Variants in C6orf62 observed in about 807,000 individuals in gnomAD.
The protein encoded by C6orf62 is chromosome 6 open reading frame 62.
Under a neutral mutation model 26.8 loss-of-function variants are expected in C6orf62, and 16 were observed. The observed-to-expected ratio is 0.60, with a 90% confidence interval of 0.40 to 0.91. The LOEUF (loss-of-function observed/expected upper bound fraction) is 0.91. C6orf62 is among the 40% of genes least tolerant of loss of function. The pLI is 0.00. For synonymous variants in C6orf62, 112 were observed against 91.5 expected (o/e 1.22, Z -1.28); for missense variants, 192 against 271.4 (o/e 0.71, Z 2.06).
In C6orf62 at chr6:24,716,212, G is replaced by A; in HGVS notation, c.242C>T (p.Ser81Phe). 6.2e-7 allele frequency: 1 copy of A among 1,613,888 alleles called. No individual in the cohort carries two copies. The highest frequency in any genetic ancestry group is 8.5e-7 in the Non-Finnish European group (1 of 1,179,840). Reference sequence around the variant, plus strand: ...CACATCCTTCTGTAAAAGCTCTAGGGAACTTTCCAAGGAATAGCTGGAATC... The same window carrying A: ...CACATCCTTCTGTAAAAGCTCTAGGAAACTTTCCAAGGAATAGCTGGAATC... ...VRDSSYSLES[S>F]LELLQKDVVQ... Residue 81 changes from serine to phenylalanine, a missense_variant, in exon 2 of 5, where the codon TCC (serine) becomes TTC (phenylalanine). Transcript: ENST00000378119.
In C6orf62 at chr6:24,714,442, T is replaced by C; in HGVS notation, c.307-2A>G. 6.5e-7 allele frequency: 1 copy of C among 1,545,258 alleles called. No individual in the cohort carries two copies. Among genetic ancestry groups the C allele is most frequent in the Non-Finnish European group, 8.7e-7 (1 of 1,150,474 alleles). Reference sequence around the variant, plus strand: ...CTCCTGAGTACAGCCAATTACATCCTATAAAATGATTAAAAAAAAAAAAGT... The same window carrying C: ...CTCCTGAGTACAGCCAATTACATCCCATAAAATGATTAAAAAAAAAAAAGT... On this transcript the variant is annotated splice_acceptor_variant, in intron 2 of 4. Transcript: ENST00000378119. LOFTEE classifies it high-confidence loss of function.
chr6:24,718,702 AT>A lies in C6orf62; in HGVS notation c.-35del. On this transcript the variant is annotated 5_prime_UTR_variant, in exon 1 of 5. Coordinates refer to ENST00000378119, the MANE Select transcript of C6orf62 (RefSeq NM_030939.5). ...ACAGGTGGTACTAAAGCCTTTGGAA[AT>A]TGTCACTAAACTATGGGCACTTTTT... 1.2e-6 allele frequency: 2 copies of A among 1,608,766 alleles called. No individual in the cohort carries two copies. Among genetic ancestry groups the A allele is most frequent in the South Asian group, 2.2e-5 (2 of 89,428 alleles).
upstream of C6orf62, chr6:24,719,615 C>T: frequency 7.0e-7 from 1 of 1,428,758 alleles, no homozygotes; most frequent in Non-Finnish European, 9.1e-7. Flanking sequence ...TGTGGTTAGA[C>T]CTGATTAATG....
Position 24,716,240 on chromosome 6 carries a change from G to T in C6orf62, c.214C>A (p.Arg72=), listed in dbSNP as rs1447021856. ...NYEENILKGV[R]DSSYSLESSL... ...CTTTCCAAGGAATAGCTGGAATCTC[G>T]CACACCTTTCAGGATATTTTCTTCA... Residue 72 remains arginine (R), a synonymous_variant, in exon 2 of 5, where the codon CGA becomes AGA. Transcript: ENST00000378119. 1 of 1,613,062 alleles carries T rather than the reference G, an allele frequency of 6.2e-7. No homozygotes were observed. Among genetic ancestry groups the T allele is most frequent in the Non-Finnish European group, 8.5e-7 (1 of 1,179,150 alleles).
At chr6:24,717,083 C>G (rs1281996733) in intron 1 of C6orf62, among the ~76,000 whole-genome samples, 2 of 152,278 alleles carry the variant, frequency 1.3e-5, no homozygotes, top group East Asian at 3.9e-4. Flanking sequence ...TAATACTACT[C>G]AAGACCAAGT....
chr6:24,708,924 T>C lies in C6orf62; in HGVS notation c.430-13A>G. Reference sequence around the variant, plus strand: ...ACTCAAATTTGGCCTAATTACAAAATACAACATTTATATTAAACTACAAAC... The same window carrying C: ...ACTCAAATTTGGCCTAATTACAAAACACAACATTTATATTAAACTACAAAC... On this transcript the variant is annotated splice_polypyrimidine_tract_variant and intron_variant, in intron 3 of 4. Coordinates refer to ENST00000378119, the MANE Select transcript of C6orf62 (RefSeq NM_030939.5). 2 of 1,613,948 alleles carry C rather than the reference T, an allele frequency of 1.2e-6. No individual in the cohort carries two copies. The highest frequency in any genetic ancestry group is 1.7e-6 in the Non-Finnish European group (2 of 1,179,944).
intron 3 of C6orf62, among the ~76,000 whole-genome samples, chr6:24,712,049 C>T (rs1779129440): frequency 6.6e-6 from 1 of 152,102 alleles, no homozygotes; most frequent in African/African-American, 2.4e-5. Context: ...TTCCTATCTA[C>T]CCAGTTATTT....
chr6:24,708,809 C>T lies in C6orf62; in HGVS notation c.532G>A (p.Val178Met), dbSNP rs1779064823. 2 of 1,614,202 alleles carry T rather than the reference C, an allele frequency of 1.2e-6. No individual in the cohort carries two copies. Among genetic ancestry groups the T allele is most frequent in the Non-Finnish European group, 1.7e-6 (2 of 1,180,036 alleles). The change falls in exon 4 of 5, where the codon GTG becomes ATG. Residue 178 changes from valine (V) to methionine (M), a missense_variant. Transcript: ENST00000378119. Reference protein sequence around the residue: ...GIVVNNPNQSVFLFIDRQHLQ... With the variant: ...GIVVNNPNQSMFLFIDRQHLQ... ...TGCTGTCTGTCAATGAAGAGAAACA[C>T]TGACTGGTTAGGATTGTTGACAACG... is the stretch of plus-strand genomic sequence containing the variant.
At position 24,706,021 on chromosome 6, in the gene C6orf62, A is replaced by G. The variant is rs1187545614; in HGVS notation, c.*116T>C. 7.2e-7 allele frequency: 1 copy of G among 1,387,428 alleles called. No individual in the cohort carries two copies. Among genetic ancestry groups the G allele is most frequent in the Non-Finnish European group, 9.5e-7 (1 of 1,047,680 alleles). 85.9% of individuals were successfully genotyped at this position (1,387,428 alleles called of 1,614,324 possible). A position where few individuals can be genotyped will look rare whatever the true frequency, so the allele number is the denominator to read the frequency against. The stretch of plus-strand genomic sequence containing the variant: ...AGGATGAACAAGTTTCAAAATGCAT[A>G]GTGTTCTGTGCATGAGTCCATTTTC... On this transcript the variant is annotated 3_prime_UTR_variant, in exon 5 of 5. Transcript: ENST00000378119.
intron 3 of C6orf62, chr6:24,710,203 T>C (rs947534022): frequency 1.0e-6 from 1 of 985,276 alleles, no homozygotes; most frequent in Admixed American, 6.1e-5. Flanking sequence ...TACAGCCAAA[T>C]ATAAAACCCA....
chr6:24,708,677 G>GT, intron 4 of C6orf62, 100 bp downstream of exon 4: 1 of 1,487,126 alleles, frequency 6.7e-7, no homozygotes, highest in Non-Finnish European at 9.3e-7. Flanking sequence ...ATAATGCAGT[G>GT]TTTGGGGGAC....
Position 24,718,831 on chromosome 6 carries a change from T to C in C6orf62, c.-163A>G. Reference sequence around the variant, plus strand: ...ACCCAAAAACTGCACCTTCTGTCAATATTAGCAGACTGTCATATTACAGGG... The same window carrying C: ...ACCCAAAAACTGCACCTTCTGTCAACATTAGCAGACTGTCATATTACAGGG... On this transcript the variant is annotated 5_prime_UTR_variant, in exon 1 of 5. In the 5' UTR this introduces an upstream ATG that the reference lacks. Transcript: ENST00000378119. 2.0e-6 allele frequency: 3 copies of C among 1,481,330 alleles called. No individual in the cohort carries two copies. Among genetic ancestry groups the C allele is most frequent in the Non-Finnish European group, 2.7e-6 (3 of 1,125,184 alleles). 91.8% of individuals were successfully genotyped at this position (1,481,330 alleles called of 1,614,324 possible).
chr6:24,712,227 C>G (rs1308314794), intron 3 of C6orf62, among the ~76,000 whole-genome samples: 1 of 151,892 alleles, frequency 6.6e-6, no homozygotes, highest in African/African-American at 2.4e-5. Context: ...AAAAAAAATA[C>G]AAAAATTAGC....
chr6:24,716,427 ACTGT>A, intron 1 of C6orf62, 103 bp from the exon 2 acceptor site: 1 of 795,504 alleles, frequency 1.3e-6, no homozygotes, highest in Non-Finnish European at 2.0e-6. Context: ...AAAATTCTTA[ACTGT>A]CTGCAGTAAC....
At chr6:24,710,328 C>T (rs1314892825) in intron 3 of C6orf62, 7 of 754,286 alleles carry the variant, frequency 9.3e-6, no homozygotes, top group Non-Finnish European at 1.1e-5. Context: ...TGCAATGGCG[C>T]GATCTCGGCT....
In C6orf62 at chr6:24,705,561, G is replaced by T. The variant is rs1778992207; in HGVS notation, c.*576C>A. ...AAACAAACATGGCCCAGTAAAATAT[G>T]AGGCAAAAATGCCTACAATGAGATG... On this transcript the variant is annotated 3_prime_UTR_variant, in exon 5 of 5. Transcript: ENST00000378119. The T allele has an allele frequency of 6.6e-6, 1 of 152,506 alleles. No individual in the cohort carries two copies. The allele number at this position is 152,506 out of a possible 1,614,324, so 9.4% of individuals were successfully genotyped here. A position where few individuals can be genotyped will look rare whatever the true frequency, so the allele number is the denominator to read the frequency against.
At chr6:24,709,927 T>C (rs369845668) in intron 3 of C6orf62, 2 of 985,342 alleles carry the variant, frequency 2.0e-6, no homozygotes, top group African/African-American at 1.7e-5. Context: ...TCAAAAACAG[T>C]AGGAAATAAT....
upstream of C6orf62, chr6:24,720,013 G>GGGGGGGGCGCC: frequency 2.0e-6 from 3 of 1,479,410 alleles, no homozygotes; most frequent in Non-Finnish European, 2.7e-6. Context: ...TCTAAAGTAA[G>GGGGGGGGCGCC]CCCACCCACC....
intron 1 of C6orf62, 62 bp from the exon 2 acceptor site, chr6:24,716,386 A>G: frequency 8.4e-7 from 1 of 1,184,836 alleles, no homozygotes; most frequent in Middle Eastern, 2.3e-4. Context: ...CACTCAGTTC[A>G]TATTACAATG....
Sources: gnomAD v4.1 joint callset for allele counts (sites outside exome capture counted in the v4.1 genomes callset) on GRCh38, gnomAD v4.1.1 for gene constraint, MANE v1.5 for transcripts, NCBI Gene and HGNC (gene_info 2026-07-23, HGNC 2026-07-21) for gene names.